RANBP2: variants seen among roughly 807,000 people sequenced by gnomAD.
The protein encoded by RANBP2 is E3 SUMO-protein ligase RanBP2.
In RANBP2, 57 loss-of-function variants were observed where a neutral mutation model predicts 303.6. The observed-to-expected ratio is 0.19, with a 90% confidence interval of 0.15 to 0.23. The LOEUF is 0.23. Among genes scored for constraint, RANBP2 ranks in the 10% least tolerant of loss-of-function variants. The probability of loss-of-function intolerance (pLI) is 1.00; values close to 1 mark genes in which losing one functional copy is unlikely to be tolerated. For missense variants in RANBP2, 3,138 were observed against 3,780.8 expected (o/e 0.83, Z 4.46); for synonymous variants, 1,167 against 1,301.5 (o/e 0.90, Z 2.23).
the RANBP2 span, among the ~76,000 whole-genome samples, chr2:108,890,227 GTTTTCTTTTTTTTT>G: frequency 9.6e-6 from 1 of 104,030 alleles, no homozygotes; most frequent in Admixed American, 1.5e-4. Flanking sequence ...GGCTGATGGG[GTTTTCTTTTTTTTT>G]TTTTTTTTTT....
chr2:109,371,584 A>G, the RANBP2 span: 1 of 1,613,824 alleles, frequency 6.2e-7, no homozygotes, highest in Non-Finnish European at 8.5e-7. Context: ...CCGGAACTGC[A>G]GGACGAGATT....
chr2:109,152,525 A>C, the RANBP2 span, among the ~76,000 whole-genome samples: 5 of 152,244 alleles, frequency 3.3e-5, no homozygotes, highest in Non-Finnish European at 2.9e-5. Context: ...TACTGGAAAC[A>C]ACGAAGTGTT....
chr2:108,887,420 G>T, the RANBP2 span, among the ~76,000 whole-genome samples: 2 of 152,094 alleles, frequency 1.3e-5, no homozygotes, highest in Non-Finnish European at 2.9e-5. Context: ...AGTGATGTTG[G>T]TATTTTGATG....
the RANBP2 span, among the ~76,000 whole-genome samples, chr2:108,888,178 A>G: frequency 6.6e-6 from 1 of 151,878 alleles, no homozygotes; most frequent in African/African-American, 2.4e-5. Context: ...ATTGATTTGT[A>G]TATGTTGAAC....
rs565174727 is a variant in RANBP2, at chr2:108,724,324, G to T, written c.72+4646G>T. ...TTACAGGTGTGTGCCACCATGCCCG[G>T]CTAATTTTTTCTATTTTTAGTAGAG... On this transcript the variant is annotated intron_variant, in intron 1 of 28. Transcript: ENST00000283195. 9.4e-4 allele frequency among the ~76,000 whole-genome samples: 143 copies of T among 152,184 alleles called. 1 individual carries two copies. Among genetic ancestry groups the T allele is most frequent in the African/African-American group, 3.4e-3 (141 of 41,524 alleles).
At chr2:109,522,653 G>T in the RANBP2 span, among the ~76,000 whole-genome samples, 66 of 150,218 alleles carry the variant, frequency 4.4e-4, no homozygotes, top group African/African-American at 1.6e-3. Flanking sequence ...CAATCCTCCC[G>T]CCTCGGCCTC....
At chr2:109,528,535 G>C in the RANBP2 span, among the ~76,000 whole-genome samples, 1 of 152,170 alleles carries the variant, frequency 6.6e-6, no homozygotes, top group African/African-American at 2.4e-5. Flanking sequence ...GGATGGGAGG[G>C]GTCTGCGGCT....
chr2:109,397,019 C>T, the RANBP2 span, among the ~76,000 whole-genome samples: 2 of 152,226 alleles, frequency 1.3e-5, no homozygotes, highest in Non-Finnish European at 2.9e-5. Flanking sequence ...GGCCTACCTG[C>T]AGTTTTCGGA....
At chr2:109,494,339 A>C in the RANBP2 span, among the ~76,000 whole-genome samples, 1 of 152,168 alleles carries the variant, frequency 6.6e-6, no homozygotes, top group African/African-American at 2.4e-5. Context: ...ATTAAAGAGA[A>C]GTGTTTCCAA....
the RANBP2 span, among the ~76,000 whole-genome samples, chr2:108,805,423 CTTATTTATATA>C: frequency 6.6e-6 from 1 of 152,096 alleles, no homozygotes; most frequent in East Asian, 1.9e-4. Context: ...TTGCAGTATA[CTTATTTATATA>C]AGTATTGCAG....
chr2:109,231,494 A>G, the RANBP2 span, among the ~76,000 whole-genome samples: 1 of 152,182 alleles, frequency 6.6e-6, no homozygotes, highest in Non-Finnish European at 1.5e-5. Context: ...ATTTTTTTCC[A>G]GAAACATCTA....
chr2:108,881,107 G>A, the RANBP2 span, among the ~76,000 whole-genome samples: 3 of 152,240 alleles, frequency 2.0e-5, no homozygotes. Flanking sequence ...AGATGGCATG[G>A]TCTTCCAATA....
the RANBP2 span, among the ~76,000 whole-genome samples, chr2:109,474,660 T>C: frequency 6.6e-6 from 1 of 152,236 alleles, no homozygotes; most frequent in African/African-American, 2.4e-5. Context: ...TGGTCTGCCC[T>C]GGACAGCATC....
the RANBP2 span, among the ~76,000 whole-genome samples, chr2:109,671,013 T>C: frequency 2.6e-5 from 4 of 152,230 alleles, no homozygotes; most frequent in East Asian, 7.7e-4. Context: ...GAGGCTGGAC[T>C]TCGGAGGGTG....
At chr2:109,170,291 T>C in the RANBP2 span, among the ~76,000 whole-genome samples, 67 of 110,706 alleles carry the variant, frequency 6.1e-4, no homozygotes, top group African/African-American at 1.7e-3. Context: ...TCTCTTCTCT[T>C]CTCTTCTCTT....
the RANBP2 span, among the ~76,000 whole-genome samples, chr2:109,078,247 GTATATA>G: frequency 8.9e-5 from 5 of 56,418 alleles, no homozygotes; most frequent in African/African-American, 3.9e-4. Flanking sequence ...TATATAGCGT[GTATATA>G]TATATATATA....
chr2:108,849,164 C>CA, the RANBP2 span, among the ~76,000 whole-genome samples: 1 of 151,692 alleles, frequency 6.6e-6, no homozygotes, highest in African/African-American at 2.4e-5. Context: ...AGAAACTGTC[C>CA]AAAATGAATT....
chr2:109,650,832 A>G, the RANBP2 span, among the ~76,000 whole-genome samples: 2 of 152,158 alleles, frequency 1.3e-5, no homozygotes, highest in African/African-American at 4.8e-5. Context: ...CTGTGAGTCC[A>G]ATAAACCTCT....
chr2:109,383,894 C>T, the RANBP2 span, among the ~76,000 whole-genome samples: 3 of 152,184 alleles, frequency 2.0e-5, no homozygotes, highest in African/African-American at 7.2e-5. Context: ...CCCCTTCCAC[C>T]CTACCACCCC....
Sources: allele counts gnomAD v4.1 joint callset (sites outside exome capture counted in the v4.1 genomes callset), GRCh38; gene constraint gnomAD v4.1.1; transcripts MANE v1.5; gene names NCBI Gene and HGNC (gene_info 2026-07-23, HGNC 2026-07-21).